PTN: variants seen among roughly 807,000 people sequenced by gnomAD.
PTN encodes pleiotrophin.
In PTN, 18 loss-of-function variants were observed where a neutral mutation model predicts 24.1. The observed-to-expected ratio is 0.75, with a 90% confidence interval of 0.52 to 1.11. PTN has a LOEUF of 1.11. Ranked by LOEUF, PTN falls within the 50% of genes least tolerant of loss-of-function variation. PTN has a pLI of 0.00. For missense variants in PTN, 163 were observed against 198.8 expected (o/e 0.82, Z 1.08); for synonymous variants, 78 against 68.6 (o/e 1.14, Z -0.67).
chr7:137,238,786 C>T (rs906235898), intron 4 of PTN, among the ~76,000 whole-genome samples: 3 of 152,126 alleles, frequency 2.0e-5, no homozygotes, highest in Non-Finnish European at 4.4e-5. Flanking sequence ...ACAATGCAGG[C>T]TAACGGCTTA....
At chr7:137,240,550 G>C (rs963208686) in intron 4 of PTN, among the ~76,000 whole-genome samples, 2 of 152,194 alleles carry the variant, frequency 1.3e-5, no homozygotes, top group Non-Finnish European at 2.9e-5. Flanking sequence ...TGAAAGAAAA[G>C]AAGAAGGAAA....
chr7:137,342,611 C>T (rs1049458815), intron 1 of PTN, among the ~76,000 whole-genome samples: 3 of 152,054 alleles, frequency 2.0e-5, no homozygotes, highest in African/African-American at 7.2e-5. Flanking sequence ...GGAGGTTTCA[C>T]TTTCCATCTA....
intron 1 of PTN, among the ~76,000 whole-genome samples, chr7:137,264,386 G>A (rs946293548): frequency 3.7e-4 from 57 of 152,314 alleles, no homozygotes; most frequent in African/African-American, 1.3e-3. Flanking sequence ...TCCTTACTGT[G>A]CAAGTCCAAA....
At chr7:137,318,483 T>G (rs1229955220) in intron 1 of PTN, 1 of 152,214 alleles carries the variant, frequency 6.6e-6, no homozygotes, top group Non-Finnish European at 1.5e-5. Flanking sequence ...AGTATTAACT[T>G]TTTTATATAT....
At chr7:137,240,459 T>G (rs750132290) in intron 4 of PTN, among the ~76,000 whole-genome samples, 19 of 152,228 alleles carry the variant, frequency 1.2e-4, no homozygotes, top group Non-Finnish European at 2.8e-4. Context: ...ACCAGTAAGG[T>G]CATTAATTTA....
chr7:137,342,094 C>T (rs1052867257), intron 1 of PTN, among the ~76,000 whole-genome samples: 6 of 152,118 alleles, frequency 3.9e-5, no homozygotes, highest in Non-Finnish European at 8.8e-5. Context: ...GGAGACTTCT[C>T]TTTTGTTTCA....
chr7:137,227,916 A>T lies in PTN; in HGVS notation c.*104T>A. ...TTTTGTTTTTGCTTATTGTGTACTTAGCTATAGATAATTTTTGAATACAAA... is the reference window on the plus strand; with the variant it reads ...TTTTGTTTTTGCTTATTGTGTACTTTGCTATAGATAATTTTTGAATACAAA... On this transcript the variant is annotated 3_prime_UTR_variant, in exon 5 of 5. Transcript: ENST00000348225. The T allele has an allele frequency of 1.4e-6, 2 of 1,461,576 alleles. No homozygotes were observed. The highest frequency in any genetic ancestry group is 1.8e-6 in the Non-Finnish European group (2 of 1,096,188). 90.5% of individuals were successfully genotyped at this position (1,461,576 alleles called of 1,614,324 possible).
rs1285333071 is a variant in PTN at position 137,251,394 on chromosome 7, A to G, written c.290-3T>C. On this transcript the variant is annotated splice_polypyrimidine_tract_variant and splice_region_variant and intron_variant, in intron 3 of 4. Transcript: ENST00000348225. ...CTGGAACTGGTATTTGCACTCCGCT[A>G]AAGGCAGGGTAGAACCAAACAGAAA... 1 of 1,613,982 alleles carries G rather than the reference A, an allele frequency of 6.2e-7. No homozygotes were observed. The highest frequency in any genetic ancestry group is 8.5e-7 in the Non-Finnish European group (1 of 1,179,870).
At chr7:137,316,391 G>A (rs1427488186) in intron 1 of PTN, among the ~76,000 whole-genome samples, 2 of 152,030 alleles carry the variant, frequency 1.3e-5, no homozygotes, top group Non-Finnish European at 2.9e-5. Context: ...TGAGGGCATC[G>A]TCCATATTCA....
chr7:137,242,977 G>A (rs1013093411), intron 4 of PTN, among the ~76,000 whole-genome samples: 12 of 152,156 alleles, frequency 7.9e-5, no homozygotes, highest in South Asian at 2.1e-4. Flanking sequence ...GTTCTCTGTC[G>A]CCAGGCTAGA....
At chr7:137,323,942 T>C (rs569572230) in intron 1 of PTN, among the ~76,000 whole-genome samples, 1 of 152,280 alleles carries the variant, frequency 6.6e-6, no homozygotes, top group East Asian at 1.9e-4. Flanking sequence ...AGGAAAATCA[T>C]AGACACTGAA....
At chr7:137,264,295 C>T (rs1387346695) in intron 1 of PTN, among the ~76,000 whole-genome samples, 1 of 152,186 alleles carries the variant, frequency 6.6e-6, no homozygotes, top group African/African-American at 2.4e-5. Context: ...AGTAATAGGA[C>T]TGTAGCAATC....
chr7:137,274,784 A>G (rs1585024532), intron 1 of PTN, among the ~76,000 whole-genome samples: 1 of 151,694 alleles, frequency 6.6e-6, no homozygotes, highest in South Asian at 2.1e-4. Flanking sequence ...GTCATCAAAG[A>G]TCAAACACAT....
chr7:137,319,113 G>C (rs558551062), intron 1 of PTN, among the ~76,000 whole-genome samples: 1 of 152,080 alleles, frequency 6.6e-6, no homozygotes, highest in Non-Finnish European at 1.5e-5. Flanking sequence ...CCACATCGTC[G>C]CTGACTACTT....
chr7:137,290,364 T>C (rs1809621264), intron 1 of PTN, among the ~76,000 whole-genome samples: 1 of 152,206 alleles, frequency 6.6e-6, no homozygotes, highest in African/African-American at 2.4e-5. Context: ...AACCTGTGAT[T>C]AAGACTTTAA....
chr7:137,235,972 C>T (rs758756555), intron 4 of PTN, among the ~76,000 whole-genome samples: 4 of 152,068 alleles, frequency 2.6e-5, no homozygotes, highest in East Asian at 1.9e-4. Flanking sequence ...CTTTGGGAGG[C>T]GGCTCAGCAT....
At chr7:137,321,908 A>G (rs1175448921) in intron 1 of PTN, among the ~76,000 whole-genome samples, 1 of 152,228 alleles carries the variant, frequency 6.6e-6, no homozygotes, top group Non-Finnish European at 1.5e-5. Flanking sequence ...AAAAAGTTTA[A>G]TATTGATATT....
intron 1 of PTN, among the ~76,000 whole-genome samples, chr7:137,312,406 G>A (rs1048930219): frequency 3.3e-5 from 5 of 152,202 alleles, no homozygotes; most frequent in Non-Finnish European, 5.9e-5. Context: ...CTACTAAAAT[G>A]AGAAACAGAA....
intron 1 of PTN, among the ~76,000 whole-genome samples, chr7:137,278,034 G>A (rs548137871): frequency 2.0e-5 from 3 of 151,976 alleles, no homozygotes; most frequent in Admixed American, 6.5e-5. Context: ...TGGGCCGGGC[G>A]CGGTGGCTCA....
Sources: allele counts gnomAD v4.1 joint callset (sites outside exome capture counted in the v4.1 genomes callset), GRCh38; gene constraint gnomAD v4.1.1; transcripts MANE v1.5; gene names NCBI Gene and HGNC (gene_info 2026-07-23, HGNC 2026-07-21).